UNC13C: variants seen among roughly 807,000 people sequenced by gnomAD.
UNC13C encodes unc-13 homolog C, also known as protein unc-13 homolog C.
In UNC13C, 174 loss-of-function variants were observed where a neutral mutation model predicts 245.4. The observed-to-expected ratio is 0.71, with a 90% CI of 0.63 to 0.80. The LOEUF (loss-of-function observed/expected upper bound fraction) is 0.80. UNC13C is among the 30% of genes least tolerant of loss of function. The pLI, the probability that UNC13C is intolerant of heterozygous loss-of-function variation, is 0.00. For synonymous variants in UNC13C, 992 were observed against 895.1 expected, an observed-to-expected ratio of 1.11 and a Z score of -1.93; for missense variants, 2,829 against 2,602.9, an observed-to-expected ratio of 1.09 and a Z score of -1.89.
In UNC13C at chr15:54,533,038, A is replaced by G. The variant is rs1212848152; in HGVS notation, c.5668A>G (p.Arg1890Gly). The change falls in exon 26 of 33, where the codon AGA becomes GGA. Residue 1890 changes from arginine to glycine, a missense_variant. By Grantham distance (125) the Arg-to-Gly change is moderately radical. Transcript: ENST00000260323. ...SAAMDAEIVL[R>G]SLMDFLDKTL... ...AGCAATGGATGCAGAGATTGTGTTAAGATCTCTTATGGATTTTTTGGACAA... is the reference window on the plus strand; with the variant it reads ...AGCAATGGATGCAGAGATTGTGTTAGGATCTCTTATGGATTTTTTGGACAA... The G allele has an allele frequency of 6.3e-7, 1 of 1,596,278 alleles. No homozygotes were observed. The highest frequency in any genetic ancestry group is 8.5e-7 in the Non-Finnish European group (1 of 1,171,148).
At chr15:54,464,432 T>C (rs1327884762) in intron 19 of UNC13C, among the ~76,000 whole-genome samples, 1 of 152,062 alleles carries the variant, frequency 6.6e-6, no homozygotes, top group Non-Finnish European at 1.5e-5. Flanking sequence ...AAGCATTACA[T>C]TTTTTTATTC....
At chr15:54,306,809 T>C (rs934347530) in intron 13 of UNC13C, among the ~76,000 whole-genome samples, 6 of 151,986 alleles carry the variant, frequency 3.9e-5, no homozygotes, top group African/African-American at 1.4e-4. Flanking sequence ...AAACAACCTG[T>C]AATGTACCCT....
intron 1 of UNC13C, among the ~76,000 whole-genome samples, chr15:54,009,319 C>A (rs1381038827): frequency 3.3e-5 from 5 of 152,174 alleles, no homozygotes; most frequent in African/African-American, 1.2e-4. Flanking sequence ...ACATCAGATA[C>A]CACCTGATTA....
chr15:54,447,750 G>C (rs907671220), intron 19 of UNC13C, among the ~76,000 whole-genome samples: 19 of 152,034 alleles, frequency 1.2e-4, no homozygotes, highest in Non-Finnish European at 2.4e-4. Context: ...ATTTTTTGAA[G>C]GGTTTTCTGT....
intron 4 of UNC13C, among the ~76,000 whole-genome samples, chr15:54,179,983 C>A (rs749550378): frequency 6.6e-6 from 1 of 151,952 alleles, no homozygotes; most frequent in African/African-American, 2.4e-5. Context: ...AAAATGATAT[C>A]TTTAAGTGCT....
intron 10 of UNC13C, among the ~76,000 whole-genome samples, chr15:54,266,682 T>C (rs963142340): frequency 6.6e-6 from 1 of 151,994 alleles, no homozygotes; most frequent in African/African-American, 2.4e-5. Flanking sequence ...AATCTACACA[T>C]TTAAAGTGTA....
the UNC13C span, among the ~76,000 whole-genome samples, chr15:53,942,438 C>G: frequency 6.6e-6 from 1 of 151,900 alleles, no homozygotes; most frequent in East Asian, 1.9e-4. Context: ...GGAAGAACAG[C>G]TAATGGATGC....
At chr15:54,376,665 T>G (rs2039614072) in intron 17 of UNC13C, among the ~76,000 whole-genome samples, 1 of 152,150 alleles carries the variant, frequency 6.6e-6, no homozygotes, top group South Asian at 2.1e-4. Flanking sequence ...AAGCTGAATA[T>G]GTAGAGAAAA....
chr15:54,533,001 T>C lies in UNC13C; in HGVS notation c.5631T>C (p.Asn1877=). The change falls in exon 26 of 33, where the codon AAT becomes AAC. Residue 1877 remains asparagine, a synonymous_variant. Transcript: ENST00000260323. ...QMRANGNTTS[N]KNSAAMDAEI... The stretch of plus-strand genomic sequence containing the variant: ...GAGCAAATGGAAACACCACATCTAA[T>C]AAGAACAGTGCAGCAATGGATGCAG... The C allele has an allele frequency of 6.2e-7, 1 of 1,601,218 alleles. No individual in the cohort carries two copies. Among genetic ancestry groups the C allele is most frequent in the East Asian group, 2.2e-5 (1 of 44,476 alleles).
intron 22 of UNC13C, among the ~76,000 whole-genome samples, chr15:54,502,622 A>C (rs1894276108): frequency 6.6e-6 from 1 of 152,128 alleles, no homozygotes; most frequent in Non-Finnish European, 1.5e-5. Flanking sequence ...AAAGAATGAA[A>C]CTGGGTCATT....
intron 1 of UNC13C, among the ~76,000 whole-genome samples, chr15:54,002,285 C>CA (rs911811741): frequency 1.3e-4 from 20 of 148,398 alleles, no homozygotes; most frequent in African/African-American, 2.7e-4. Context: ...GAATCCATCT[C>CA]AAAAAAAAAG....
chr15:54,302,277 A>G (rs1038144889), intron 13 of UNC13C, among the ~76,000 whole-genome samples: 17 of 152,144 alleles, frequency 1.1e-4, no homozygotes, highest in African/African-American at 3.9e-4. Flanking sequence ...TTTGCTGTGC[A>G]GAAGCTCTTT....
intron 4 of UNC13C, among the ~76,000 whole-genome samples, chr15:54,227,300 G>A (rs928024570): frequency 1.3e-5 from 2 of 152,138 alleles, no homozygotes; most frequent in African/African-American, 2.4e-5. Flanking sequence ...TCTCACTCCT[G>A]GCTGTGGACT....
At chr15:54,429,377 G>A (rs369963745) in intron 19 of UNC13C, among the ~76,000 whole-genome samples, 6 of 151,534 alleles carry the variant, frequency 4.0e-5, no homozygotes, top group Non-Finnish European at 7.4e-5. Flanking sequence ...ATTTTTCCAC[G>A]TCTTTATCTT....
intron 4 of UNC13C, among the ~76,000 whole-genome samples, chr15:54,211,920 C>T (rs2034891924): frequency 6.6e-6 from 1 of 151,946 alleles, no homozygotes; most frequent in Non-Finnish European, 1.5e-5. Context: ...TTACATTGTC[C>T]CTGGGTTGTA....
the UNC13C span, among the ~76,000 whole-genome samples, chr15:53,890,424 A>AAT: frequency 3.9e-5 from 6 of 152,286 alleles, no homozygotes; most frequent in Admixed American, 3.9e-4. Context: ...TACAGGCATG[A>AAT]GCCACTGCGC....
chr15:54,332,076 C>T lies in UNC13C; in HGVS notation c.4459C>T (p.His1487Tyr). The stretch of plus-strand genomic sequence containing the variant: ...ATTCATAAAACTACTGGACCAGTTA[C>T]ATAACTCTTTGAGGATTGATCTGTC... ...EKFIKLLDQL[H>Y]NSLRIDLSKY... The change falls in exon 15 of 33, where the codon CAT becomes TAT. Residue 1487 changes from histidine (H) to tyrosine (Y), a missense_variant. His to Tyr is a moderately conservative substitution (Grantham distance 83). Transcript: ENST00000260323. The T allele has an allele frequency of 2.5e-6, 4 of 1,582,492 alleles. No individual in the cohort carries two copies. Among genetic ancestry groups the T allele is most frequent in the Non-Finnish European group, 3.4e-6 (4 of 1,162,732 alleles).
chr15:54,176,190 G>GT (rs3082176), intron 4 of UNC13C, among the ~76,000 whole-genome samples: 10 of 151,476 alleles, frequency 6.6e-5, no homozygotes, highest in Non-Finnish European at 1.2e-4. Flanking sequence ...CAAGATCGTA[G>GT]TTTTTTTTTT....
At chr15:54,175,942 G>C (rs1480389564) in intron 4 of UNC13C, among the ~76,000 whole-genome samples, 2 of 152,174 alleles carry the variant, frequency 1.3e-5, no homozygotes, top group African/African-American at 2.4e-5. Flanking sequence ...TTGCTTTTCA[G>C]CATAGTGTGA....
Sources: gnomAD v4.1 joint callset for allele counts (sites outside exome capture counted in the v4.1 genomes callset) on GRCh38, gnomAD v4.1.1 for gene constraint, MANE v1.5 for transcripts, NCBI Gene and HGNC (gene_info 2026-07-23, HGNC 2026-07-21) for gene names.